The following SYNE1 variants were observed in gnomAD, a reference collection of about 807,000 sequenced individuals.
SYNE1 encodes the protein nesprin-1.
A neutral mutation model predicts 1,111.0 loss-of-function variants in SYNE1; 616 were observed. That is an observed-to-expected ratio of 0.55 (90% CI 0.52 to 0.59). SYNE1 has a LOEUF of 0.59. Ranked by LOEUF, SYNE1 falls within the 20% of genes least tolerant of loss-of-function variation. The pLI is 0.00. For missense variants in SYNE1, 10,006 were observed against 10,417.0 expected (o/e 0.96, Z 1.72); for synonymous variants, 3,855 against 3,825.8 (o/e 1.01, Z -0.28).
At chr6:152,320,503 T>C (rs1434172364) in intron 84 of SYNE1, among the ~76,000 whole-genome samples, 2 of 152,186 alleles carry the variant, frequency 1.3e-5, no homozygotes, top group Non-Finnish European at 2.9e-5. Context: ...GCTTTAGCAT[T>C]AAGCCACCAA....
chr6:152,164,301 C>G lies in SYNE1; in HGVS notation c.23652G>C (p.Leu7884=). The G allele has an allele frequency of 6.2e-7, 1 of 1,614,148 alleles. No homozygotes were observed. The highest frequency in any genetic ancestry group is 8.5e-7 in the Non-Finnish European group (1 of 1,180,028). ...TCTTATCAAGCTGCTGCACGGCTAC[C>G]AGGGTCTCCTTCAGCTTCTTCACCC... ...AARVKKLKET[L]VAVQQLDKNM... The change falls in exon 131 of 146, where the codon CTG becomes CTC. Residue 7884 remains leucine (L), a synonymous_variant. Transcript: ENST00000367255.
chr6:152,502,485 C>A (rs943259672), intron 10 of SYNE1, 148 bp downstream of exon 10: 30 of 715,332 alleles, frequency 4.2e-5, no homozygotes, highest in Admixed American at 3.0e-4. Flanking sequence ...TTCCTCTAAT[C>A]ATCACCCCAT....
chr6:152,509,126 C>T (rs971892281), intron 8 of SYNE1, among the ~76,000 whole-genome samples: 2 of 151,976 alleles, frequency 1.3e-5, no homozygotes, highest in Non-Finnish European at 2.9e-5. Context: ...GCATACTCTA[C>T]ATGAAAGGAC....
At position 152,416,635 on chromosome 6, in the gene SYNE1, T is replaced by C; in HGVS notation, c.5802A>G (p.Gln1934=). Reference sequence around the variant, plus strand: ...CAGAGCTCCCGATTTTCAGATGGTATTGGGCTTTGGAAAGAATGCCATCCA... The same window carrying C: ...CAGAGCTCCCGATTTTCAGATGGTACTGGGCTTTGGAAAGAATGCCATCCA... ...VSLDGILSKA[Q]YHLKIGSSEQ... Residue 1934 remains glutamine, a synonymous_variant, in exon 41 of 146, where the codon CAA becomes CAG. Transcript: ENST00000367255. 6.2e-7 allele frequency: 1 copy of C among 1,614,176 alleles called. No homozygotes were observed. The highest frequency in any genetic ancestry group is 8.5e-7 in the Non-Finnish European group (1 of 1,180,042).
At chr6:152,525,525 T>C (rs1426848369) in intron 5 of SYNE1, among the ~76,000 whole-genome samples, 1 of 152,224 alleles carries the variant, frequency 6.6e-6, no homozygotes, top group Non-Finnish European at 1.5e-5. Context: ...ATGTACTTTC[T>C]AGCTCACTGT....
At chr6:152,470,550 A>G (rs1197056343) in intron 16 of SYNE1, among the ~76,000 whole-genome samples, 1 of 152,196 alleles carries the variant, frequency 6.6e-6, no homozygotes, top group African/African-American at 2.4e-5. Context: ...AAATCTAGGG[A>G]AAGATTTTAC....
At chr6:152,322,422 T>C (rs945611688) in intron 82 of SYNE1, among the ~76,000 whole-genome samples, 1 of 152,188 alleles carries the variant, frequency 6.6e-6, no homozygotes, top group Non-Finnish European at 1.5e-5. Context: ...AGGACATGAA[T>C]GAGGTAATAT....
At chr6:152,486,056 A>T (rs4574653) in intron 12 of SYNE1, among the ~76,000 whole-genome samples, 2 of 151,748 alleles carry the variant, frequency 1.3e-5, no homozygotes, top group South Asian at 2.1e-4. Context: ...TTAGCTGAGC[A>T]TAGTGGCGCA....
At chr6:152,363,382 T>G (rs2096978200) in intron 63 of SYNE1, among the ~76,000 whole-genome samples, 1 of 150,024 alleles carries the variant, frequency 6.7e-6, no homozygotes, top group African/African-American at 2.4e-5. Context: ...TAGTACCAGC[T>G]ACTCGAGAGG....
chr6:152,607,132 C>T (rs1294147218), intron 3 of SYNE1, among the ~76,000 whole-genome samples: 1 of 150,984 alleles, frequency 6.6e-6, no homozygotes, highest in African/African-American at 2.4e-5. Context: ...CTACAGGCAC[C>T]AGCCACCACG....
At chr6:152,332,491 C>CA (rs1274333096) in intron 77 of SYNE1, among the ~76,000 whole-genome samples, 1 of 152,180 alleles carries the variant, frequency 6.6e-6, no homozygotes, top group Non-Finnish European at 1.5e-5. Flanking sequence ...TGGCTCTTAT[C>CA]AACTGAGCAG....
At chr6:152,246,348 A>T (rs1190484929) in intron 105 of SYNE1, among the ~76,000 whole-genome samples, 2 of 152,196 alleles carry the variant, frequency 1.3e-5, no homozygotes, top group African/African-American at 4.8e-5. Context: ...ACAACAAAAA[A>T]AAAACCATTA....
intron 83 of SYNE1, 110 bp from the exon 84 acceptor site, chr6:152,321,500 T>C: frequency 7.3e-7 from 1 of 1,373,728 alleles, no homozygotes; most frequent in Non-Finnish European, 9.9e-7. Context: ...ATTAGAAAAA[T>C]ATCTTAATAC....
At chr6:152,419,867 C>G (rs928461107) in intron 39 of SYNE1, 145 bp from the exon 40 acceptor site, 1 of 812,388 alleles carries the variant, frequency 1.2e-6, no homozygotes. Flanking sequence ...TTTTTACTTC[C>G]CAAACCCTGC....
At chr6:152,426,283 A>G (rs776388695) in intron 38 of SYNE1, among the ~76,000 whole-genome samples, 4 of 152,252 alleles carry the variant, frequency 2.6e-5, no homozygotes, top group Non-Finnish European at 5.9e-5. Flanking sequence ...CTTCCTAGTG[A>G]GGCCACATAG....
intron 46 of SYNE1, among the ~76,000 whole-genome samples, 194 bp downstream of exon 46, chr6:152,404,019 A>G (rs2097856994): frequency 6.6e-6 from 1 of 151,464 alleles, no homozygotes; most frequent in Non-Finnish European, 1.5e-5. Flanking sequence ...ATACATATAT[A>G]TGATATATAT....
chr6:152,147,800 T>C (rs763198328), intron 137 of SYNE1: 9 of 491,674 alleles, frequency 1.8e-5, no homozygotes, highest in Non-Finnish European at 3.3e-5. Context: ...GAAGAGGAAC[T>C]GTGTATCCCT....
At chr6:152,244,419 G>C in intron 106 of SYNE1, 118 bp downstream of exon 106, 1 of 1,501,360 alleles carries the variant, frequency 6.7e-7, no homozygotes, top group Admixed American at 1.7e-5. Context: ...TTGGTAGAAA[G>C]GTTAGGACCT....
At chr6:152,411,104 T>C (rs1473802139) in intron 42 of SYNE1, among the ~76,000 whole-genome samples, 1 of 152,200 alleles carries the variant, frequency 6.6e-6, no homozygotes, top group Non-Finnish European at 1.5e-5. Context: ...GTAAAATATA[T>C]GTTGAGGGTC....
Sources: gnomAD v4.1 joint callset for allele counts (sites outside exome capture counted in the v4.1 genomes callset) on GRCh38, gnomAD v4.1.1 for gene constraint, MANE v1.5 for transcripts, NCBI Gene and HGNC (gene_info 2026-07-23, HGNC 2026-07-21) for gene names.